The following GBF1 variants were observed in gnomAD, a reference collection of about 807,000 sequenced individuals.
GBF1 encodes the protein Golgi-specific brefeldin A-resistance guanine nucleotide exchange factor 1.
A neutral mutation model predicts 210.5 loss-of-function variants in GBF1; 114 were observed. That is an observed-to-expected ratio of 0.54 (90% CI 0.47 to 0.63). GBF1 has a LOEUF of 0.63. Among genes scored for constraint, GBF1 ranks in the 30% least tolerant of loss-of-function variants. The probability of loss-of-function intolerance (pLI) is 0.00; values close to 1 mark genes in which losing one functional copy is unlikely to be tolerated. For synonymous variants in GBF1, 850 were observed against 889.2 expected, an observed-to-expected ratio of 0.96 and a Z score of 0.78; for missense variants, 1,851 against 2,357.7, an observed-to-expected ratio of 0.79 and a Z score of 4.45.
chr10:102,379,750 A>C, intron 35 of GBF1, 99 bp downstream of exon 35: 2 of 1,486,940 alleles, frequency 1.3e-6, no homozygotes, highest in South Asian at 1.1e-5. Flanking sequence ...AGCCTGCATC[A>C]TACCTTCCCT....
At chr10:102,337,647 T>A (rs1292586249) in intron 3 of GBF1, among the ~76,000 whole-genome samples, 1 of 151,340 alleles carries the variant, frequency 6.6e-6, no homozygotes, top group Non-Finnish European at 1.5e-5. Flanking sequence ...AGGTCAGGAG[T>A]GCAGTTTGAG....
chr10:102,289,586 T>C (rs1228142887), intron 3 of GBF1, among the ~76,000 whole-genome samples: 3 of 152,204 alleles, frequency 2.0e-5, no homozygotes, highest in African/African-American at 7.2e-5. Flanking sequence ...CAGAGCATCT[T>C]TGGCTTCCTA....
intron 24 of GBF1, 113 bp from the exon 25 acceptor site, chr10:102,369,598 A>G: frequency 1.9e-6 from 2 of 1,035,264 alleles, no homozygotes; most frequent in East Asian, 2.6e-5. Context: ...CAATTGGCAC[A>G]ATAGCATAGG....
At chr10:102,337,380 A>C (rs906853594) in intron 3 of GBF1, among the ~76,000 whole-genome samples, 11 of 151,040 alleles carry the variant, frequency 7.3e-5, no homozygotes, top group Non-Finnish European at 1.0e-4. Flanking sequence ...AAAAAAAAAA[A>C]AAAAAACTAT....
chr10:102,266,435 G>A (rs2073880749), intron 3 of GBF1, among the ~76,000 whole-genome samples: 1 of 152,106 alleles, frequency 6.6e-6, no homozygotes, highest in Non-Finnish European at 1.5e-5. Context: ...TAGGTACTTA[G>A]GAAGTGGGTC....
At position 102,344,128 on chromosome 10, in the gene GBF1, A is replaced by G. The variant is rs541613143; in HGVS notation, c.241A>G (p.Ile81Val). The G allele has an allele frequency of 1.2e-6, 2 of 1,613,052 alleles. No individual in the cohort carries two copies. The highest frequency in any genetic ancestry group is 1.7e-5 in the Admixed American group (1 of 60,018). Residue 81 changes from isoleucine to valine, a missense_variant, in exon 4 of 40, where the codon ATC (isoleucine) becomes GTC (valine). Around this residue, in one of 3 missense-constraint regions of GBF1, gnomAD observed 804 missense variants for 958.6 expected, o/e 0.84. Coordinates refer to ENST00000369983, the MANE Select transcript of GBF1 (RefSeq NM_001377137.1). Reference protein sequence around the residue: ...VIRSEDTTGPITGLALTSVNK... With the variant: ...VIRSEDTTGPVTGLALTSVNK... Reference sequence around the variant, plus strand: ...TCGCTCTGAAGATACCACTGGCCCTATCACTGGACTGGCACTCACCTCTGT... The same window carrying G: ...TCGCTCTGAAGATACCACTGGCCCTGTCACTGGACTGGCACTCACCTCTGT...
At chr10:102,351,202 C>A in intron 4 of GBF1, 54 bp from the exon 5 acceptor site, 1 of 1,020,258 alleles carries the variant, frequency 9.8e-7, no homozygotes, top group Non-Finnish European at 1.6e-6. Flanking sequence ...GCTGCCTTAC[C>A]TTTTATCTCT....
At chr10:102,339,757 C>A (rs938765737) in intron 3 of GBF1, among the ~76,000 whole-genome samples, 1 of 151,958 alleles carries the variant, frequency 6.6e-6, no homozygotes, top group African/African-American at 2.4e-5. Context: ...CAGAACAGAA[C>A]CCAGAAGAGA....
At chr10:102,342,405 ACACT>A (rs544785050) in intron 3 of GBF1, among the ~76,000 whole-genome samples, 25 of 151,476 alleles carry the variant, frequency 1.7e-4, no homozygotes, top group East Asian at 3.9e-4. Flanking sequence ...ACACACACAC[ACACT>A]CACACACAGA....
chr10:102,265,743 A>G (rs1251313971), intron 3 of GBF1, among the ~76,000 whole-genome samples: 1 of 152,128 alleles, frequency 6.6e-6, no homozygotes, highest in Non-Finnish European at 1.5e-5. Flanking sequence ...ATCTTCTCTT[A>G]TGGGATCATC....
rs142861759 is a variant in GBF1 at position 102,380,332 on chromosome 10, G to A, written c.4962G>A (p.Lys1654=). ...TCACCATCTTGGACTTCATGGACAA[G>A]TACATGCACGCAGGCTCCAGCGACT... ...LWLTILDFMD[K]YMHAGSSDLL... is the part of the protein sequence containing the mutation. Residue 1654 remains lysine (K), a synonymous_variant, in exon 37 of 40, where the codon AAG becomes AAA. Transcript: ENST00000369983. The A allele has an allele frequency of 2.5e-6, 4 of 1,613,566 alleles. No homozygotes were observed. In the African/African-American group the frequency reaches 5.3e-5, roughly 22 times the overall value.
chr10:102,341,827 C>T (rs1444222508), intron 3 of GBF1, among the ~76,000 whole-genome samples: 3 of 152,036 alleles, frequency 2.0e-5, no homozygotes, highest in East Asian at 1.9e-4. Context: ...ACTCTTTTAC[C>T]GTGAAGGAAG....
chr10:102,306,603 T>C (rs888133046), intron 3 of GBF1, among the ~76,000 whole-genome samples: 7 of 152,176 alleles, frequency 4.6e-5, no homozygotes, highest in Non-Finnish European at 8.8e-5. Context: ...TTTGTATTTT[T>C]AGTAGAGACG....
chr10:102,230,827 A>C, the GBF1 span: 2 of 1,577,152 alleles, frequency 1.3e-6, no homozygotes, highest in African/African-American at 2.7e-5. Flanking sequence ...GGCGGAGGGC[A>C]CCATGGAGGC....
intron 3 of GBF1, among the ~76,000 whole-genome samples, chr10:102,322,906 G>A (rs2056546654): frequency 6.6e-6 from 1 of 151,962 alleles, no homozygotes; most frequent in African/African-American, 2.4e-5. Context: ...GACAGAGCAA[G>A]ACTGTCTCAA....
chr10:102,311,238 T>G (rs2078401596), intron 3 of GBF1, among the ~76,000 whole-genome samples: 1 of 152,204 alleles, frequency 6.6e-6, no homozygotes, highest in Non-Finnish European at 1.5e-5. Flanking sequence ...TACACATGAT[T>G]TTAGCATGAT....
chr10:102,362,446 C>T (rs746219661), intron 14 of GBF1, 29 bp from the exon 15 acceptor site: 1 of 1,490,628 alleles, frequency 6.7e-7, no homozygotes, highest in Non-Finnish European at 9.3e-7. Context: ...CTCCTAACTA[C>T]AAGTCCAATT....
chr10:102,275,512 G>A (rs954583980), intron 3 of GBF1, among the ~76,000 whole-genome samples: 13 of 152,286 alleles, frequency 8.5e-5, no homozygotes, highest in African/African-American at 2.6e-4. Context: ...GTGAGGCAGT[G>A]AAACAGTTAA....
chr10:102,241,318 T>C (rs1252663122), upstream of GBF1: 1 of 152,604 alleles, frequency 6.6e-6, no homozygotes, highest in Non-Finnish European at 1.5e-5. This position sits in a 1 kb window ranked among gnomAD's most constrained non-coding sequence, Gnocchi z 6.7. Context: ...GTCCTTAGAA[T>C]GGTCAAACAC....
Sources: allele counts gnomAD v4.1 joint callset (sites outside exome capture counted in the v4.1 genomes callset), GRCh38; gene constraint gnomAD v4.1.1; regional missense constraint gnomAD v4.1.1; non-coding constraint Gnocchi (gnomAD v3.1); transcripts MANE v1.5; gene names NCBI Gene and HGNC (gene_info 2026-07-23, HGNC 2026-07-21).